The following NDUFB6 variants were observed in gnomAD, a reference collection of about 807,000 sequenced individuals.
The protein encoded by NDUFB6 is NADH:ubiquinone oxidoreductase subunit B6, also known as NADH dehydrogenase [ubiquinone] 1 beta subcomplex subunit 6.
NDUFB6 carries 23 observed loss-of-function variants against 17.5 expected under a neutral mutation model. That is an observed-to-expected ratio of 1.31 (90% confidence interval 0.94 to 1.86). The LOEUF is 1.86. Ranked by LOEUF, NDUFB6 falls within the 40% of genes most tolerant of loss-of-function variation. The pLI is 0.00. For missense variants in NDUFB6, 167 were observed against 153.8 expected (o/e 1.09, Z -0.46); for synonymous variants, 60 against 53.5 (o/e 1.12, Z -0.53).
chr9:32,572,843 G>A lies in NDUFB6; in HGVS notation c.180+38C>T, dbSNP rs372902800. The A allele has an allele frequency of 1.1e-4, 171 of 1,498,492 alleles. 1 individual carries two copies. Among genetic ancestry groups the A allele is most frequent in the Non-Finnish European group, 1.4e-4 (162 of 1,123,196 alleles). The allele number at this position is 1,498,492 out of a possible 1,614,324, so 92.8% of individuals were successfully genotyped here. A position where few individuals can be genotyped will look rare whatever the true frequency, so the allele number is the denominator to read the frequency against. On this transcript the variant is annotated intron_variant, in intron 1 of 3. Coordinates refer to ENST00000379847, the MANE Select transcript of NDUFB6 (RefSeq NM_002493.5). ...AGTGTTCAGGCTGCCGGCAGCAGTG[G>A]GATGTGTTGGGGGGGACCGGAGAGG...
At chr9:32,568,588 A>C (rs557468799) in intron 2 of NDUFB6, 1 of 174,952 alleles carries the variant, frequency 5.7e-6, no homozygotes, top group African/African-American at 2.4e-5. Flanking sequence ...CTACAGAGAT[A>C]TCTTTCGTGA....
intron 2 of NDUFB6, among the ~76,000 whole-genome samples, chr9:32,562,747 C>T (rs1384126652): frequency 1.3e-5 from 2 of 152,308 alleles, no homozygotes; most frequent in African/African-American, 4.8e-5. Context: ...CTATCTCTAC[C>T]TGATCTAAAA....
chr9:32,563,362 G>C (rs1821682648), intron 2 of NDUFB6, among the ~76,000 whole-genome samples: 1 of 151,594 alleles, frequency 6.6e-6, no homozygotes, highest in African/African-American at 2.4e-5. Context: ...ATTCAGATGG[G>C]AGTCTCACTA....
At position 32,573,133 on chromosome 9, in the gene NDUFB6, C is replaced by G; in HGVS notation, c.-73G>C. ...CGGACTAGTTACTTAAGCGCGCTCC[C>G]GCTCTGCAAAGCGACCTTGCGGGAA... On this transcript the variant is annotated 5_prime_UTR_variant, in exon 1 of 4. Transcript: ENST00000379847. The G allele has an allele frequency of 7.0e-6, 10 of 1,419,788 alleles. No homozygotes were observed. Among genetic ancestry groups the G allele is most frequent in the Non-Finnish European group, 9.3e-6 (10 of 1,079,556 alleles). 87.9% of individuals were successfully genotyped at this position (1,419,788 alleles called of 1,614,324 possible). A position where few individuals can be genotyped will look rare whatever the true frequency, so the allele number is the denominator to read the frequency against.
At chr9:32,562,365 C>A (rs1821650741) in intron 2 of NDUFB6, among the ~76,000 whole-genome samples, 1 of 152,122 alleles carries the variant, frequency 6.6e-6, no homozygotes, top group African/African-American at 2.4e-5. Flanking sequence ...TGTCAGCAAT[C>A]AGAATTTTAA....
intron 3 of NDUFB6, among the ~76,000 whole-genome samples, chr9:32,557,058 A>G (rs1821480328): frequency 6.7e-6 from 1 of 150,062 alleles, no homozygotes; most frequent in African/African-American, 2.5e-5. Context: ...GAGTTTCACC[A>G]TGTTGGCCAG....
intron 2 of NDUFB6, among the ~76,000 whole-genome samples, chr9:32,563,401 G>C (rs908232530): frequency 6.6e-6 from 1 of 151,346 alleles, no homozygotes; most frequent in Non-Finnish European, 1.5e-5. Flanking sequence ...GAGTACAGTG[G>C]GCAGCACAAT....
In NDUFB6 at chr9:32,570,898, T is replaced by C. The variant is rs555004436; in HGVS notation, c.273+62A>G. 1.5e-4 allele frequency: 170 copies of C among 1,145,792 alleles called. 2 individuals carry two copies. The South Asian group carries it at 2.4e-3, about 16-fold the overall frequency. The allele number at this position is 1,145,792 out of a possible 1,614,324, so 71.0% of individuals were successfully genotyped here. On this transcript the variant is annotated intron_variant, in intron 2 of 3. Transcript: ENST00000379847. The stretch of plus-strand genomic sequence containing the variant: ...ATTATTTCCACTAAGTAGGGTAAGA[T>C]AGCCACAAAGAAAGTAATTTTGGAC...
chr9:32,570,956 T>G lies in NDUFB6; in HGVS notation c.273+4A>C. ...AAAATGAATTCTGAAAAGGACATAC[T>G]TACAGAAACATGATACTTCATGTAA... On this transcript the variant is annotated splice_donor_region_variant and intron_variant, in intron 2 of 3. Transcript: ENST00000379847. 1 of 1,557,926 alleles carries G rather than the reference T, an allele frequency of 6.4e-7. No individual in the cohort carries two copies. Among genetic ancestry groups the G allele is most frequent in the Non-Finnish European group, 8.8e-7 (1 of 1,140,562 alleles).
chr9:32,566,387 C>A, intron 2 of NDUFB6: 1 of 1,030,488 alleles, frequency 9.7e-7, no homozygotes, highest in Non-Finnish European at 1.5e-6. Context: ...ACTATGTGAT[C>A]CAGGTTCCAG....
chr9:32,570,343 T>C (rs146736860), intron 2 of NDUFB6, among the ~76,000 whole-genome samples: 1 of 152,312 alleles, frequency 6.6e-6, no homozygotes, highest in East Asian at 1.9e-4. Flanking sequence ...CACTTCAGGC[T>C]ACGCAGTCAC....
At chr9:32,566,446 T>C in intron 2 of NDUFB6, 4 of 821,208 alleles carry the variant, frequency 4.9e-6, no homozygotes, top group Non-Finnish European at 6.6e-6. Flanking sequence ...GTTGATGGAG[T>C]ATCTTGACAA....
rs780180694 is a variant in NDUFB6, at chr9:32,572,949, G to C, written c.112C>G (p.Gln38Glu). 4 of 1,610,296 alleles carry C rather than the reference G, an allele frequency of 2.5e-6. No individual in the cohort carries two copies. The highest frequency in any genetic ancestry group is 1.7e-6 in the Non-Finnish European group (2 of 1,178,192). Residue 38 changes from glutamine to glutamate, a missense_variant, in exon 1 of 4, where the codon CAG (glutamine) becomes GAG (glutamate). Transcript: ENST00000379847. ...LSPREPVLPP[Q>E]KMGPMEKFWN... ...AATTTCTCCATAGGCCCCATCTTCT[G>C]TGGGGGCAGCACCGGCTCCCGAGGG...
At chr9:32,571,538 T>C (rs1411581038) in intron 1 of NDUFB6, among the ~76,000 whole-genome samples, 1 of 152,174 alleles carries the variant, frequency 6.6e-6, no homozygotes, top group Non-Finnish European at 1.5e-5. Flanking sequence ...TTTTACATAC[T>C]AAGATGGGGT....
chr9:32,572,367 A>T, intron 1 of NDUFB6, among the ~76,000 whole-genome samples: 1 of 152,158 alleles, frequency 6.6e-6, no homozygotes, highest in East Asian at 1.9e-4. Context: ...TTAGAAAGGT[A>T]GCTCTTGAAT....
intron 2 of NDUFB6, chr9:32,568,587 T>C (rs371767321): frequency 2.9e-5 from 5 of 174,994 alleles, no homozygotes; most frequent in African/African-American, 1.2e-4. Context: ...GCTACAGAGA[T>C]ATCTTTCGTG....
Position 32,573,136 on chromosome 9 carries a change from T to G in NDUFB6, c.-76A>C. 7.1e-7 allele frequency: 1 copy of G among 1,411,642 alleles called. No homozygotes were observed. The highest frequency in any genetic ancestry group is 9.3e-7 in the Non-Finnish European group (1 of 1,073,314). The allele number at this position is 1,411,642 out of a possible 1,614,324, so 87.4% of individuals were successfully genotyped here. A position where few individuals can be genotyped will look rare whatever the true frequency, so the allele number is the denominator to read the frequency against. On this transcript the variant is annotated 5_prime_UTR_variant, in exon 1 of 4. Coordinates refer to ENST00000379847, the MANE Select transcript of NDUFB6 (RefSeq NM_002493.5). Reference sequence around the variant, plus strand: ...ACTAGTTACTTAAGCGCGCTCCCGCTCTGCAAAGCGACCTTGCGGGAACGC... The same window carrying G: ...ACTAGTTACTTAAGCGCGCTCCCGCGCTGCAAAGCGACCTTGCGGGAACGC...
At chr9:32,561,025 T>C (rs1242062574) in intron 2 of NDUFB6, among the ~76,000 whole-genome samples, 1 of 152,214 alleles carries the variant, frequency 6.6e-6, no homozygotes, top group Non-Finnish European at 1.5e-5. Flanking sequence ...CATGCCAAAA[T>C]AGTGAAAACA....
chr9:32,558,784 CA>C lies in NDUFB6; in HGVS notation c.318+125del, dbSNP rs1339828705. The C allele has an allele frequency of 5.2e-6, 3 of 578,860 alleles. No homozygotes were observed. In the African/African-American group the frequency reaches 5.7e-5, roughly 11 times the overall value. The allele number at this position is 578,860 out of a possible 1,614,324, so 35.9% of individuals were successfully genotyped here. On this transcript the variant is annotated intron_variant, in intron 3 of 3. Transcript: ENST00000379847. ...TTGTTTTGTTTTTTACAAGAATACA[CA>C]AAACAGGGACTTAAACCGAAAGTGA...
Sources: allele counts gnomAD v4.1 joint callset (sites outside exome capture counted in the v4.1 genomes callset), GRCh38; gene constraint gnomAD v4.1.1; transcripts MANE v1.5; gene names NCBI Gene and HGNC (gene_info 2026-07-23, HGNC 2026-07-21).